WWOX: variants seen among roughly 807,000 people sequenced by gnomAD.
WWOX encodes WW domain containing oxidoreductase.
WWOX carries 69 observed loss-of-function variants against 46.2 expected under a neutral mutation model. The ratio of observed to expected loss-of-function variants is 1.49; its 90% confidence interval spans 1.23 to 1.82. The LOEUF (loss-of-function observed/expected upper bound fraction) is 1.82. Ranked by LOEUF, WWOX falls within the 40% of genes most tolerant of loss-of-function variation. The pLI is 0.00. For synonymous variants in WWOX, 359 were observed against 202.6 expected (o/e 1.77, Z -6.56); for missense variants, 919 against 542.6 (o/e 1.69, Z -6.89).
chr16:78,547,067 G>A (rs186154784), intron 8 of WWOX, among the ~76,000 whole-genome samples: 11 of 144,758 alleles, frequency 7.6e-5, no homozygotes, highest in Non-Finnish European at 1.5e-4. Context: ...GGTCAAAGCT[G>A]CAGTGAGCCA....
intron 8 of WWOX, among the ~76,000 whole-genome samples, chr16:78,624,719 G>A (rs1451082118): frequency 2.0e-5 from 3 of 152,084 alleles, no homozygotes; most frequent in Non-Finnish European, 1.5e-5. Flanking sequence ...AACATAATAT[G>A]TCTATCATTT....
chr16:78,145,773 T>C (rs1344879063), intron 4 of WWOX: 1 of 152,162 alleles, frequency 6.6e-6, no homozygotes, highest in Non-Finnish European at 1.5e-5. Flanking sequence ...CCCCTTTTCA[T>C]AAGGACACCA....
chr16:78,113,216 A>G (rs751991666), intron 3 of WWOX, among the ~76,000 whole-genome samples: 17 of 152,284 alleles, frequency 1.1e-4, no homozygotes, highest in Non-Finnish European at 2.4e-4. Context: ...GACCTACTGA[A>G]TCAGCACTGG....
chr16:78,691,715 A>G (rs1567494382), intron 8 of WWOX, among the ~76,000 whole-genome samples: 1 of 152,148 alleles, frequency 6.6e-6, no homozygotes, highest in South Asian at 2.1e-4. Flanking sequence ...CTCCAAAAGG[A>G]AAAAAATAAT....
chr16:78,921,826 C>G (rs2045386287), intron 8 of WWOX, among the ~76,000 whole-genome samples: 1 of 152,156 alleles, frequency 6.6e-6, no homozygotes, highest in African/African-American at 2.4e-5. Context: ...TTGAGGTGGT[C>G]CTCAAACCCA....
chr16:78,117,166 A>G (rs897544704), intron 4 of WWOX, among the ~76,000 whole-genome samples: 5 of 152,254 alleles, frequency 3.3e-5, no homozygotes, highest in Admixed American at 6.5e-5. Flanking sequence ...ACTTCCCCCT[A>G]AGACTCTTCC....
chr16:78,875,867 A>G (rs1375932346), intron 8 of WWOX, among the ~76,000 whole-genome samples: 2 of 152,106 alleles, frequency 1.3e-5, no homozygotes, highest in Non-Finnish European at 1.5e-5. Context: ...TTTCTTCCAC[A>G]CTTTTATTGC....
chr16:78,797,753 C>T (rs768502411), intron 8 of WWOX, among the ~76,000 whole-genome samples: 10 of 152,126 alleles, frequency 6.6e-5, no homozygotes, highest in Non-Finnish European at 1.0e-4. Flanking sequence ...TTTGGGAGGT[C>T]GAGGCAGGAG....
Position 78,797,650 on chromosome 16 carries a change from C to A in WWOX, c.1056+364898C>A. ...GGAAGATTCGTCCAGTCTCAAGGAA[C>A]TATGATAAGTAGCAAACAATATCCC... On this transcript the variant is annotated intron_variant, in intron 8 of 8. Coordinates refer to ENST00000566780, the MANE Select transcript of WWOX (RefSeq NM_016373.4). Among the ~76,000 whole-genome samples the A allele has an allele frequency of 1.3e-5, 2 of 152,128 alleles. 1 individual carries two copies. Among genetic ancestry groups the A allele is most frequent in the Non-Finnish European group, 2.9e-5 (2 of 68,044 alleles).
At chr16:78,986,381 T>G (rs925991410) in intron 8 of WWOX, among the ~76,000 whole-genome samples, 2 of 152,206 alleles carry the variant, frequency 1.3e-5, no homozygotes, top group African/African-American at 2.4e-5. Flanking sequence ...CTCCCTGTGC[T>G]CCACGAAGAA....
At chr16:78,479,346 T>C (rs2084433130) in intron 8 of WWOX, among the ~76,000 whole-genome samples, 1 of 152,206 alleles carries the variant, frequency 6.6e-6, no homozygotes, top group Non-Finnish European at 1.5e-5. Context: ...GCAAATAATT[T>C]TGATAGAAGC....
At chr16:78,496,723 C>T (rs760064055) in intron 8 of WWOX, among the ~76,000 whole-genome samples, 1 of 152,156 alleles carries the variant, frequency 6.6e-6, no homozygotes, top group Non-Finnish European at 1.5e-5. Flanking sequence ...CTATGTAAAA[C>T]CAAACAAATT....
chr16:78,833,467 T>A (rs1281871207), intron 8 of WWOX, among the ~76,000 whole-genome samples: 1 of 152,100 alleles, frequency 6.6e-6, no homozygotes, highest in African/African-American at 2.4e-5. Context: ...CTATTCTCCT[T>A]CCTCATCATT....
intron 8 of WWOX, among the ~76,000 whole-genome samples, chr16:79,153,950 G>A (rs999947872): frequency 4.3e-5 from 6 of 140,420 alleles, no homozygotes; most frequent in Non-Finnish European, 9.1e-5. Context: ...ACAATTTCTT[G>A]TCCTGCCTCC....
chr16:78,671,022 A>G (rs1414257735), intron 8 of WWOX, among the ~76,000 whole-genome samples: 1 of 152,058 alleles, frequency 6.6e-6, no homozygotes, highest in African/African-American at 2.4e-5. Context: ...GCTACACCAG[A>G]AGCTGGAACA....
intron 8 of WWOX, among the ~76,000 whole-genome samples, chr16:79,023,605 C>G (rs572140881): frequency 1.3e-5 from 2 of 152,106 alleles, no homozygotes; most frequent in Non-Finnish European, 2.9e-5. Flanking sequence ...ACGTTTTGGT[C>G]TGTGCTACAA....
intron 5 of WWOX, among the ~76,000 whole-genome samples, chr16:78,199,371 T>A (rs1010090779): frequency 6.6e-6 from 1 of 152,046 alleles, no homozygotes; most frequent in Non-Finnish European, 1.5e-5. Context: ...AAAACTCCCA[T>A]GTATTATCTA....
chr16:79,085,608 C>A (rs867311687), intron 8 of WWOX, among the ~76,000 whole-genome samples: 1 of 152,156 alleles, frequency 6.6e-6, no homozygotes, highest in African/African-American at 2.4e-5. Flanking sequence ...AAGTGGTCCA[C>A]ATAGAAAAAC....
At chr16:78,697,922 A>G (rs2048135042) in intron 8 of WWOX, among the ~76,000 whole-genome samples, 3 of 152,162 alleles carry the variant, frequency 2.0e-5, no homozygotes, top group Admixed American at 2.0e-4. Context: ...GCTTGAGGCC[A>G]TGCTACCTGT....
Sources: gnomAD v4.1 joint callset for allele counts (sites outside exome capture counted in the v4.1 genomes callset) on GRCh38, gnomAD v4.1.1 for gene constraint, MANE v1.5 for transcripts, NCBI Gene and HGNC (gene_info 2026-07-23, HGNC 2026-07-21) for gene names.